Variants in AGBL1 observed in about 807,000 individuals in gnomAD.
AGBL1 encodes the protein AGBL carboxypeptidase 1.
Under a neutral mutation model 118.9 loss-of-function variants are expected in AGBL1, and 130 were observed. The observed-to-expected ratio is 1.09, with a 90% CI of 0.95 to 1.26. The LOEUF is 1.26. Ranked by LOEUF, AGBL1 falls within the 50% of genes most tolerant of loss-of-function variation. The pLI, the probability that AGBL1 is intolerant of heterozygous loss-of-function variation, is 0.00. For missense variants in AGBL1, 1,584 were observed against 1,298.1 expected (o/e 1.22, Z -3.38); for synonymous variants, 555 against 478.9 (o/e 1.16, Z -2.08).
At chr15:86,141,936 T>C in intron 1 of AGBL1, 68 bp from the exon 2 acceptor site, 1 of 1,450,452 alleles carries the variant, frequency 6.9e-7, no homozygotes, top group South Asian at 1.3e-5. Flanking sequence ...CCATTCCATG[T>C]ACATCCCTGA....
At chr15:86,960,629 C>CA (rs1473644083) in intron 23 of AGBL1, among the ~76,000 whole-genome samples, 3 of 151,810 alleles carry the variant, frequency 2.0e-5, no homozygotes, top group African/African-American at 4.8e-5. Context: ...ATATCCCCCC[C>CA]AAAAAGAAAG....
rs2081381139 is a variant in AGBL1, at chr15:86,397,408, G to C, written c.2417G>C (p.Gly806Ala). The change falls in exon 18 of 23, where the codon GGA (glycine) becomes GCA (alanine). Residue 806 changes from glycine to alanine, a missense_variant. Transcript: ENST00000614907. The part of the protein sequence containing the change: ...YQVITARVHP[G>A]ESNASWVMKG... Reference sequence around the variant, plus strand: ...GTGATCACTGCTCGAGTTCATCCAGGAGAGAGCAATGCCAGTTGGGTGATG... The same window carrying C: ...GTGATCACTGCTCGAGTTCATCCAGCAGAGAGCAATGCCAGTTGGGTGATG... The C allele has an allele frequency of 1.9e-6, 3 of 1,612,848 alleles. No homozygotes were observed. The highest frequency in any genetic ancestry group is 2.5e-6 in the Non-Finnish European group (3 of 1,179,194).
At chr15:86,317,693 T>G (rs981265521) in intron 17 of AGBL1, among the ~76,000 whole-genome samples, 1 of 152,218 alleles carries the variant, frequency 6.6e-6, no homozygotes, top group Non-Finnish European at 1.5e-5. Flanking sequence ...AAGGGCCAGA[T>G]AGTAAATATT....
intron 14 of AGBL1, 129 bp downstream of exon 14, chr15:86,270,196 G>A (rs1379523839): frequency 3.8e-5 from 48 of 1,271,796 alleles, no homozygotes; most frequent in Non-Finnish European, 4.8e-5. Flanking sequence ...GGGTTGCCAG[G>A]TGCAGCAAGG....
intron 22 of AGBL1, among the ~76,000 whole-genome samples, chr15:86,788,159 G>C (rs1443187401): frequency 6.6e-6 from 1 of 152,188 alleles, no homozygotes; most frequent in Non-Finnish European, 1.5e-5. Flanking sequence ...GGCTCTGCAC[G>C]GTGCCCACTG....
intron 21 of AGBL1, among the ~76,000 whole-genome samples, chr15:86,646,347 G>A (rs1596334076): frequency 6.6e-6 from 1 of 152,166 alleles, no homozygotes; most frequent in Admixed American, 6.5e-5. Context: ...CTATTAGCAG[G>A]TTTCCTGAAA....
chr15:86,215,462 C>T (rs1332643788), intron 5 of AGBL1, among the ~76,000 whole-genome samples: 2 of 152,142 alleles, frequency 1.3e-5, no homozygotes, highest in East Asian at 3.8e-4. Context: ...TCTAGTGAGG[C>T]TCTAGGATTA....
At chr15:86,762,790 A>T (rs1472662633) in intron 22 of AGBL1, among the ~76,000 whole-genome samples, 1 of 152,036 alleles carries the variant, frequency 6.6e-6, no homozygotes, top group African/African-American at 2.4e-5. Context: ...CAACTCAAAG[A>T]ATGCATTATT....
At chr15:86,496,932 C>A (rs558464649) in intron 18 of AGBL1, among the ~76,000 whole-genome samples, 1 of 151,926 alleles carries the variant, frequency 6.6e-6, no homozygotes, top group African/African-American at 2.4e-5. Flanking sequence ...AATATACTTA[C>A]GGTGTACGAC....
chr15:86,722,221 G>T (rs146992921), intron 22 of AGBL1, among the ~76,000 whole-genome samples: 1 of 152,110 alleles, frequency 6.6e-6, no homozygotes, highest in African/African-American at 2.4e-5. Flanking sequence ...CCAAAAGAAC[G>T]AAGCTGGAGG....
chr15:86,301,475 G>A (rs1056877919), intron 17 of AGBL1, among the ~76,000 whole-genome samples: 4 of 151,312 alleles, frequency 2.6e-5, no homozygotes, highest in African/African-American at 9.7e-5. Flanking sequence ...AGAGCATAAT[G>A]AGTTCTCTCC....
intron 21 of AGBL1, among the ~76,000 whole-genome samples, chr15:86,572,518 C>T (rs1315884280): frequency 6.6e-6 from 1 of 152,214 alleles, no homozygotes; most frequent in Non-Finnish European, 1.5e-5. Context: ...CTCCCAGAGG[C>T]AGGCTCTGGA....
chr15:86,188,392 A>G (rs538527452), intron 5 of AGBL1, among the ~76,000 whole-genome samples: 26 of 151,922 alleles, frequency 1.7e-4, no homozygotes, highest in Non-Finnish European at 3.2e-4. Flanking sequence ...ATTTTAATGG[A>G]GCTATAGAAA....
chr15:86,358,288 C>A (rs2080753180), intron 17 of AGBL1, among the ~76,000 whole-genome samples: 1 of 152,082 alleles, frequency 6.6e-6, no homozygotes, highest in African/African-American at 2.4e-5. Flanking sequence ...CAGTATTTGT[C>A]ATTCTGACTC....
chr15:86,691,045 G>A (rs1017939583), intron 22 of AGBL1, among the ~76,000 whole-genome samples: 3 of 151,982 alleles, frequency 2.0e-5, no homozygotes, highest in Non-Finnish European at 4.4e-5. Context: ...TTAAGTAGTA[G>A]GTTGCATTTT....
intron 18 of AGBL1, among the ~76,000 whole-genome samples, chr15:86,440,817 T>A (rs1263474956): frequency 1.3e-5 from 2 of 152,106 alleles, no homozygotes; most frequent in East Asian, 3.9e-4. Context: ...TAAGTGACAG[T>A]TGAACCAAGG....
chr15:86,761,639 G>A (rs1157907985), intron 22 of AGBL1, among the ~76,000 whole-genome samples: 2 of 152,050 alleles, frequency 1.3e-5, no homozygotes, highest in African/African-American at 2.4e-5. Context: ...AAAGAGGAGT[G>A]TCTGTTCATA....
chr15:86,919,654 A>T (rs1428694565), downstream of AGBL1, among the ~76,000 whole-genome samples: 1 of 152,114 alleles, frequency 6.6e-6, no homozygotes, highest in African/African-American at 2.4e-5. Context: ...ATGAAGAAAA[A>T]ACCAGAGCCT....
At chr15:86,731,124 C>T (rs2141215718) in intron 22 of AGBL1, among the ~76,000 whole-genome samples, 1 of 152,212 alleles carries the variant, frequency 6.6e-6, no homozygotes, top group Non-Finnish European at 1.5e-5. Flanking sequence ...AGCCACTGCA[C>T]CCGGCCTTAT....
Sources: gnomAD v4.1 joint callset for allele counts (sites outside exome capture counted in the v4.1 genomes callset) on GRCh38, gnomAD v4.1.1 for gene constraint, MANE v1.5 for transcripts, NCBI Gene and HGNC (gene_info 2026-07-23, HGNC 2026-07-21) for gene names.